DIP2B: variants seen among roughly 807,000 people sequenced by gnomAD.
DIP2B encodes DIP2 acetate--CoA ligase B (putative), also known as disco-interacting protein 2 homolog B.
A neutral mutation model predicts 198.0 loss-of-function variants in DIP2B; 76 were observed. The ratio of observed to expected loss-of-function variants is 0.38; its 90% CI spans 0.32 to 0.46. The LOEUF (loss-of-function observed/expected upper bound fraction) is 0.46, where lower values mean the gene tolerates loss of function less well. Among genes scored for constraint, DIP2B ranks in the 20% least tolerant of loss-of-function variants. The pLI is 0.99. For synonymous variants in DIP2B, 701 were observed against 739.1 expected (o/e 0.95, Z 0.84); for missense variants, 1,559 against 1,978.4 (o/e 0.79, Z 4.02).
At chr12:50,579,003 A>G (rs1958689519) in intron 1 of DIP2B, among the ~76,000 whole-genome samples, 1 of 152,204 alleles carries the variant, frequency 6.6e-6, no homozygotes, top group Non-Finnish European at 1.5e-5. Flanking sequence ...GTGGCAACCT[A>G]GTCCATGCAC....
In DIP2B at chr12:50,506,034, T is replaced by TA. The variant is rs543793410; in HGVS notation, c.100+806dup. Among the ~76,000 whole-genome samples, 531 of 143,244 alleles carry TA rather than the reference T, an allele frequency of 3.7e-3. 4 individuals carry two copies. The highest frequency in any genetic ancestry group is 0.011 in the African/African-American group (434 of 39,206). 94.0% of individuals were successfully genotyped at this position (143,244 alleles called of 152,430 possible). A position where few individuals can be genotyped will look rare whatever the true frequency, so the allele number is the denominator to read the frequency against. ...GGAGGGTTCGATTTATTTTCAGAATTAAAAAAAAAAAATGGGATAAATCAA... is the reference window on the plus strand; with the variant it reads ...GGAGGGTTCGATTTATTTTCAGAATTAAAAAAAAAAAAATGGGATAAATCAA... On this transcript the variant is annotated intron_variant, in intron 1 of 37. Transcript: ENST00000301180.
chr12:50,506,422 C>A (rs755555540), intron 1 of DIP2B, among the ~76,000 whole-genome samples: 12 of 152,132 alleles, frequency 7.9e-5, no homozygotes, highest in Non-Finnish European at 7.4e-5. Context: ...CTCTGAGAAT[C>A]CTTTACAATG....
rs1263461945 is a variant in DIP2B at position 50,692,942 on chromosome 12, A to G, written c.1655-7A>G. On this transcript the variant is annotated splice_region_variant and splice_polypyrimidine_tract_variant and intron_variant, in intron 13 of 37. Coordinates refer to ENST00000301180, the MANE Select transcript of DIP2B (RefSeq NM_173602.3). ...ATTTCTTTGTCTTCCTATTTTTTCTATTTTAGGGGAAACAATAGTAAATGT... is the reference window on the plus strand; with the variant it reads ...ATTTCTTTGTCTTCCTATTTTTTCTGTTTTAGGGGAAACAATAGTAAATGT... 2 of 1,604,864 alleles carry G rather than the reference A, an allele frequency of 1.2e-6. No homozygotes were observed. Among genetic ancestry groups the G allele is most frequent in the Non-Finnish European group, 1.7e-6 (2 of 1,177,606 alleles).
chr12:50,720,505 T>TA (rs1939816427), intron 25 of DIP2B, among the ~76,000 whole-genome samples: 1 of 152,130 alleles, frequency 6.6e-6, no homozygotes, highest in African/African-American at 2.4e-5. Context: ...GAAAAGTCGT[T>TA]AAAAATCTTA....
chr12:50,556,743 CTTG>C (rs1302976474), intron 1 of DIP2B, among the ~76,000 whole-genome samples: 1 of 151,890 alleles, frequency 6.6e-6, no homozygotes, highest in Non-Finnish European at 1.5e-5. Flanking sequence ...GAGTTTTGCT[CTTG>C]TTGTCCATGC....
Position 50,574,632 on chromosome 12 carries a change from T to C in DIP2B, c.101-51344T>C, listed in dbSNP as rs563378003. Among the ~76,000 whole-genome samples, 3 of 152,360 alleles carry C rather than the reference T, an allele frequency of 2.0e-5. No individual in the cohort carries two copies. The South Asian group carries it at 6.2e-4, about 32-fold the overall frequency. On this transcript the variant is annotated intron_variant, in intron 1 of 37. Transcript: ENST00000301180. ...CCTCTCCAGGATAGAATGATCTAAG[T>C]GGCAAAGACATGCTAAAGATGTTAC...
At chr12:50,595,165 G>A (rs746204995) in intron 1 of DIP2B, among the ~76,000 whole-genome samples, 3 of 152,144 alleles carry the variant, frequency 2.0e-5, no homozygotes, top group Non-Finnish European at 4.4e-5. Flanking sequence ...CTCTAATAAT[G>A]AGAGCAAAAC....
intron 1 of DIP2B, among the ~76,000 whole-genome samples, chr12:50,562,482 C>T (rs144898118): frequency 7.3e-4 from 111 of 152,018 alleles, no homozygotes; most frequent in African/African-American, 2.6e-3. Flanking sequence ...TGCCTGCATT[C>T]CTAGCACTTT....
intron 2 of DIP2B, among the ~76,000 whole-genome samples, chr12:50,636,013 C>T (rs533474067): frequency 6.7e-4 from 102 of 152,232 alleles, no homozygotes; most frequent in African/African-American, 2.4e-3. Context: ...TGCTTAAGAC[C>T]AGCCTCTGAC....
intron 21 of DIP2B, 137 bp downstream of exon 21, chr12:50,706,802 GC>G: frequency 1.1e-6 from 1 of 945,316 alleles, no homozygotes; most frequent in Non-Finnish European, 1.5e-6. Context: ...CATAAGCCTG[GC>G]TTTTTTTTTT....
chr12:50,703,820 G>A (rs1939464331), intron 19 of DIP2B, among the ~76,000 whole-genome samples: 1 of 151,160 alleles, frequency 6.6e-6, no homozygotes. Flanking sequence ...ACTTGGAAGG[G>A]TATCTGAGAT....
At chr12:50,539,612 C>T (rs1296243441) in intron 1 of DIP2B, among the ~76,000 whole-genome samples, 5 of 70,252 alleles carry the variant, frequency 7.1e-5, no homozygotes, top group Non-Finnish European at 1.1e-4. Flanking sequence ...GTGAAATACT[C>T]TGTCTCAAAA....
intron 1 of DIP2B, among the ~76,000 whole-genome samples, chr12:50,512,251 C>G (rs1419868396): frequency 6.6e-6 from 1 of 151,666 alleles, no homozygotes; most frequent in Non-Finnish European, 1.5e-5. Flanking sequence ...GGATTACAGG[C>G]TTGTGCCACC....
At chr12:50,569,777 T>A (rs1958597452) in intron 1 of DIP2B, among the ~76,000 whole-genome samples, 1 of 152,246 alleles carries the variant, frequency 6.6e-6, no homozygotes, top group Admixed American at 6.5e-5. Flanking sequence ...CAGGTAAATA[T>A]TGACCTCTCT....
intron 3 of DIP2B, among the ~76,000 whole-genome samples, chr12:50,656,057 T>C (rs746803499): frequency 4.6e-5 from 7 of 152,214 alleles, no homozygotes; most frequent in African/African-American, 7.2e-5. Context: ...TTGAAAATGT[T>C]GTTTCATCCT....
chr12:50,576,872 T>C (rs1958666887), intron 1 of DIP2B, among the ~76,000 whole-genome samples: 1 of 150,176 alleles, frequency 6.7e-6, no homozygotes, highest in South Asian at 2.1e-4. Context: ...GTTATTATTA[T>C]TTTTTTTTGA....
chr12:50,641,757 G>T (rs1938260412), intron 3 of DIP2B, among the ~76,000 whole-genome samples: 1 of 152,170 alleles, frequency 6.6e-6, no homozygotes, highest in Non-Finnish European at 1.5e-5. Context: ...ATAAGCAGAG[G>T]AACGACTGGT....
At chr12:50,681,793 C>T (rs1283638399) in intron 9 of DIP2B, among the ~76,000 whole-genome samples, 1 of 152,158 alleles carries the variant, frequency 6.6e-6, no homozygotes, top group Non-Finnish European at 1.5e-5. Flanking sequence ...ATGGCTTTTA[C>T]TTATAAATGT....
chr12:50,624,383 A>T (rs957412204), intron 1 of DIP2B, among the ~76,000 whole-genome samples: 8 of 152,138 alleles, frequency 5.3e-5, no homozygotes, highest in Non-Finnish European at 4.4e-5. Flanking sequence ...CCTAGGCTGG[A>T]GTGCAGTGGC....
Sources: allele counts gnomAD v4.1 joint callset (sites outside exome capture counted in the v4.1 genomes callset), GRCh38; gene constraint gnomAD v4.1.1; transcripts MANE v1.5; gene names NCBI Gene and HGNC (gene_info 2026-07-23, HGNC 2026-07-21).